Variants in ARPP19 observed in about 807,000 individuals in gnomAD.
ARPP19 encodes the protein cAMP-regulated phosphoprotein 19.
Under a neutral mutation model 12.0 loss-of-function variants are expected in ARPP19, and 8 were observed. The ratio of observed to expected loss-of-function variants is 0.67; its 90% CI spans 0.39 to 1.21. The LOEUF is 1.21. ARPP19 is among the 50% of genes most tolerant of loss of function. ARPP19 has a pLI of 0.01. For missense variants in ARPP19, 102 were observed against 136.3 expected (o/e 0.75, Z 1.25); for synonymous variants, 47 against 50.4 (o/e 0.93, Z 0.29).
chr15:52,564,672 CAT>C (rs2078065383), intron 1 of ARPP19, among the ~76,000 whole-genome samples: 1 of 151,942 alleles, frequency 6.6e-6, no homozygotes, highest in African/African-American at 2.4e-5. Flanking sequence ...CTTTCCAAGA[CAT>C]ATTAGTTTGG....
chr15:52,556,234 T>C (rs902435638), intron 2 of ARPP19, among the ~76,000 whole-genome samples: 1 of 152,112 alleles, frequency 6.6e-6, no homozygotes, highest in Non-Finnish European at 1.5e-5. Flanking sequence ...ATGAATGTAT[T>C]TAAGGAGAAA....
intron 1 of ARPP19, among the ~76,000 whole-genome samples, chr15:52,562,966 G>A (rs79771972): frequency 0.1 from 14,932 of 144,434 alleles, 827 homozygotes; most frequent in Middle Eastern, 0.17. Context: ...CCCTCCCCAC[G>A]CTGGGTTCAA....
chr15:52,561,575 T>C (rs1293398962), intron 1 of ARPP19, among the ~76,000 whole-genome samples: 1 of 152,062 alleles, frequency 6.6e-6, no homozygotes, highest in Non-Finnish European at 1.5e-5. Flanking sequence ...TAGTTAAGAA[T>C]GCATGAAAAA....
intron 2 of ARPP19, among the ~76,000 whole-genome samples, chr15:52,556,279 G>A (rs1274861116): frequency 3.9e-5 from 6 of 151,996 alleles, no homozygotes; most frequent in Admixed American, 3.3e-4. Context: ...ATTCTCTTCC[G>A]TAAGTAGTAT....
At chr15:52,554,840 G>A (rs1472549774) in intron 2 of ARPP19, among the ~76,000 whole-genome samples, 1 of 152,084 alleles carries the variant, frequency 6.6e-6, no homozygotes. Context: ...GTAGTCATGT[G>A]TACACAGTCA....
At chr15:52,554,283 G>A (rs941971531) in intron 2 of ARPP19, among the ~76,000 whole-genome samples, 1 of 149,834 alleles carries the variant, frequency 6.7e-6, no homozygotes, top group African/African-American at 2.4e-5. Context: ...CTGCTTGGGG[G>A]AAAGGAATTA....
intron 1 of ARPP19, among the ~76,000 whole-genome samples, chr15:52,565,029 A>G (rs1273270222): frequency 6.6e-6 from 1 of 151,920 alleles, no homozygotes; most frequent in East Asian, 1.9e-4. Context: ...GTGCAATTAA[A>G]ATTACCATCT....
At chr15:52,553,871 T>C (rs1489575778) in intron 2 of ARPP19, among the ~76,000 whole-genome samples, 1 of 152,252 alleles carries the variant, frequency 6.6e-6, no homozygotes, top group African/African-American at 2.4e-5. Flanking sequence ...AAGCCAGACC[T>C]GGTCTATGGC....
At chr15:52,557,826 C>T (rs1379278582) in intron 1 of ARPP19, 1 of 151,988 alleles carries the variant, frequency 6.6e-6, no homozygotes, top group Non-Finnish European at 1.5e-5. Context: ...ACAATCCTGC[C>T]TCGACCTCCC....
At chr15:52,560,223 C>G (rs1216026956) in intron 1 of ARPP19, among the ~76,000 whole-genome samples, 1 of 151,798 alleles carries the variant, frequency 6.6e-6, no homozygotes, top group Non-Finnish European at 1.5e-5. Context: ...TCTCGAACTC[C>G]TGACCCCAGG....
chr15:52,568,060 C>G (rs758008285), intron 1 of ARPP19, among the ~76,000 whole-genome samples: 17 of 152,206 alleles, frequency 1.1e-4, no homozygotes, highest in Non-Finnish European at 2.2e-4. Context: ...AATACAAAGG[C>G]TTGATATTCA....
intron 2 of ARPP19, among the ~76,000 whole-genome samples, chr15:52,554,210 T>C (rs1193702147): frequency 6.6e-6 from 1 of 152,164 alleles, no homozygotes; most frequent in Non-Finnish European, 1.5e-5. Context: ...CTAATGTAAG[T>C]AATTTTATAG....
At chr15:52,556,808 C>A (rs1044859384) in intron 2 of ARPP19, among the ~76,000 whole-genome samples, 1 of 152,138 alleles carries the variant, frequency 6.6e-6, no homozygotes, top group African/African-American at 2.4e-5. Context: ...CTGAAACCAA[C>A]ATGGCAAAAT....
chr15:52,566,785 A>G (rs2078086234), intron 1 of ARPP19, among the ~76,000 whole-genome samples: 1 of 150,832 alleles, frequency 6.6e-6, no homozygotes, highest in Non-Finnish European at 1.5e-5. Context: ...GTTTATACTT[A>G]TTTTTTATGT....
chr15:52,548,889 T>TG lies in ARPP19; in HGVS notation c.*3044dup, dbSNP rs2077903548. ...AAAAAGAGCAACTAATTCCAACTGT[T>TG]GAAGTAGTAACAAGTAAAGGCTTCA... is the stretch of plus-strand genomic sequence containing the variant. On this transcript the variant is annotated 3_prime_UTR_variant, in exon 3 of 3. Transcript: ENST00000249822. 1 of 152,670 alleles carries TG rather than the reference T, an allele frequency of 6.6e-6. No individual in the cohort carries two copies. Among genetic ancestry groups the TG allele is most frequent in the African/African-American group, 2.4e-5 (1 of 41,460 alleles). The allele number at this position is 152,670 out of a possible 1,614,324, so 9.5% of individuals were successfully genotyped here. A position where few individuals can be genotyped will look rare whatever the true frequency, so the allele number is the denominator to read the frequency against.
At position 52,550,806 on chromosome 15, in the gene ARPP19, G is replaced by C. The variant is rs995437693; in HGVS notation, c.*1128C>G. 6.6e-6 allele frequency: 1 copy of C among 152,636 alleles called. No homozygotes were observed. The highest frequency in any genetic ancestry group is 2.4e-5 in the African/African-American group (1 of 41,448). 9.5% of individuals were successfully genotyped at this position (152,636 alleles called of 1,614,324 possible). On this transcript the variant is annotated 3_prime_UTR_variant, in exon 3 of 3. Coordinates refer to ENST00000249822, the MANE Select transcript of ARPP19 (RefSeq NM_006628.6). Reference sequence around the variant, plus strand: ...AGGGCATGGAATGCAGAGTATTGAAGCCTTTTATTCTAGGGTCTCCAAAAC... The same window carrying C: ...AGGGCATGGAATGCAGAGTATTGAACCCTTTTATTCTAGGGTCTCCAAAAC...
chr15:52,566,784 T>C (rs533089372), intron 1 of ARPP19, among the ~76,000 whole-genome samples: 1 of 151,224 alleles, frequency 6.6e-6, no homozygotes, highest in Non-Finnish European at 1.5e-5. Flanking sequence ...AGTTTATACT[T>C]ATTTTTTATG....
rs2077923121 is a variant in ARPP19 at position 52,550,804 on chromosome 15, A to C, written c.*1130T>G. On this transcript the variant is annotated 3_prime_UTR_variant, in exon 3 of 3. Transcript: ENST00000249822. ...AGAGGGCATGGAATGCAGAGTATTG[A>C]AGCCTTTTATTCTAGGGTCTCCAAA... 6.5e-6 allele frequency: 1 copy of C among 152,694 alleles called. No individual in the cohort carries two copies. The highest frequency in any genetic ancestry group is 1.5e-5 in the Non-Finnish European group (1 of 68,050). The allele number at this position is 152,694 out of a possible 1,614,324, so 9.5% of individuals were successfully genotyped here.
upstream of ARPP19, chr15:52,569,076 C>T (rs1234358571): frequency 2.7e-5 from 15 of 565,858 alleles, no homozygotes; most frequent in South Asian, 6.6e-5. Flanking sequence ...CCTCGCACGC[C>T]GGAGCCCGCC....
Sources: gnomAD v4.1 joint callset for allele counts (sites outside exome capture counted in the v4.1 genomes callset) on GRCh38, gnomAD v4.1.1 for gene constraint, MANE v1.5 for transcripts, NCBI Gene and HGNC (gene_info 2026-07-23, HGNC 2026-07-21) for gene names.